The following STARD13 variants were observed in gnomAD, a reference collection of about 807,000 sequenced individuals.
The protein encoded by STARD13 is stAR-related lipid transfer protein 13.
Under a neutral mutation model 106.4 loss-of-function variants are expected in STARD13, and 62 were observed. The observed-to-expected ratio is 0.58, with a 90% confidence interval of 0.48 to 0.72. The LOEUF is 0.72. Ranked by LOEUF, STARD13 falls within the 30% of genes least tolerant of loss-of-function variation. STARD13 has a pLI of 0.00. For missense variants in STARD13, 1,387 were observed against 1,424.0 expected (o/e 0.97, Z 0.42); for synonymous variants, 565 against 553.0 (o/e 1.02, Z -0.31).
the STARD13 span, among the ~76,000 whole-genome samples, chr13:33,508,511 T>C: frequency 6.6e-6 from 1 of 152,178 alleles, no homozygotes; most frequent in African/African-American, 2.4e-5. Context: ...AGAAATTCCT[T>C]CTATTTAAAC....
At chr13:33,490,627 G>T in the STARD13 span, among the ~76,000 whole-genome samples, 4 of 151,250 alleles carry the variant, frequency 2.6e-5, no homozygotes, top group African/African-American at 9.7e-5. Flanking sequence ...CCCAGCCCCC[G>T]CCCTTCCAGC....
chr13:33,482,613 G>A, the STARD13 span, among the ~76,000 whole-genome samples: 2 of 152,064 alleles, frequency 1.3e-5, no homozygotes, highest in African/African-American at 4.8e-5. Flanking sequence ...ATACATAATT[G>A]ATTAGAATTT....
intron 1 of STARD13, among the ~76,000 whole-genome samples, chr13:33,269,691 C>T (rs1245600026): frequency 6.6e-6 from 1 of 152,104 alleles, no homozygotes; most frequent in African/African-American, 2.4e-5. Context: ...GTTTTATTCT[C>T]CTCCTGCTGA....
intron 1 of STARD13, among the ~76,000 whole-genome samples, chr13:33,228,426 A>C (rs937221526): frequency 1.3e-5 from 2 of 151,750 alleles, no homozygotes; most frequent in African/African-American, 2.4e-5. Flanking sequence ...TTAAGAGTAC[A>C]GTTCATTTAC....
At chr13:33,358,382 T>A in the STARD13 span, among the ~76,000 whole-genome samples, 1 of 152,216 alleles carries the variant, frequency 6.6e-6, no homozygotes, top group Non-Finnish European at 1.5e-5. Context: ...GGCACAGGAC[T>A]GGCAGGCAGC....
chr13:33,141,685 C>T (rs1879850539), intron 4 of STARD13, among the ~76,000 whole-genome samples: 1 of 152,132 alleles, frequency 6.6e-6, no homozygotes, highest in Non-Finnish European at 1.5e-5. Flanking sequence ...GGCATCTTGA[C>T]ACATGCATGA....
At chr13:33,268,822 A>G (rs1279512221) in intron 1 of STARD13, among the ~76,000 whole-genome samples, 2 of 152,234 alleles carry the variant, frequency 1.3e-5, no homozygotes, top group African/African-American at 4.8e-5. Context: ...GATTATTAGC[A>G]TCAATCACAA....
chr13:33,162,236 AG>A (rs1485135954), intron 3 of STARD13, among the ~76,000 whole-genome samples: 1 of 152,222 alleles, frequency 6.6e-6, no homozygotes, highest in East Asian at 1.9e-4. Flanking sequence ...CCTACGACAC[AG>A]GGCACCAAGT....
At chr13:33,568,423 T>G in the STARD13 span, among the ~76,000 whole-genome samples, 1 of 148,198 alleles carries the variant, frequency 6.7e-6, no homozygotes, top group Admixed American at 6.9e-5. Context: ...GGCAATTATT[T>G]GTTAACAAAA....
At chr13:33,302,969 T>C (rs1468877626) in intron 1 of STARD13, among the ~76,000 whole-genome samples, 2 of 152,192 alleles carry the variant, frequency 1.3e-5, no homozygotes, top group Non-Finnish European at 2.9e-5. Context: ...CCCATCATGG[T>C]AGCCTTTCTT....
chr13:33,386,561 TG>T, the STARD13 span, among the ~76,000 whole-genome samples: 68 of 152,160 alleles, frequency 4.5e-4, no homozygotes, highest in African/African-American at 1.4e-3. Flanking sequence ...TGACCTCCTC[TG>T]GGGGGGTCGA....
chr13:33,243,356 G>C (rs980179530), intron 1 of STARD13, among the ~76,000 whole-genome samples: 3 of 152,132 alleles, frequency 2.0e-5, no homozygotes, highest in African/African-American at 7.2e-5. Context: ...TTTCCTATAG[G>C]GAAGGCACAG....
At chr13:33,427,036 A>G in the STARD13 span, among the ~76,000 whole-genome samples, 139 of 152,242 alleles carry the variant, frequency 9.1e-4, no homozygotes, top group Non-Finnish European at 1.7e-3. Flanking sequence ...GTATAGAACT[A>G]ATTATTATCA....
At chr13:33,180,844 G>T (rs554284106) in intron 1 of STARD13, among the ~76,000 whole-genome samples, 1 of 152,274 alleles carries the variant, frequency 6.6e-6, no homozygotes, top group South Asian at 2.1e-4. Flanking sequence ...TATACCTAGT[G>T]CCAAATGGAA....
intron 1 of STARD13, among the ~76,000 whole-genome samples, chr13:33,220,058 A>C (rs1888270537): frequency 6.6e-6 from 1 of 152,102 alleles, no homozygotes; most frequent in African/African-American, 2.4e-5. Context: ...CTTTTCCTGG[A>C]TTAAAAACTT....
At chr13:33,566,349 G>T in the STARD13 span, among the ~76,000 whole-genome samples, 27 of 147,952 alleles carry the variant, frequency 1.8e-4, 5 homozygotes, top group East Asian at 4.9e-3. Context: ...TACTATCTGC[G>T]GTTTCAGGCA....
the STARD13 span, among the ~76,000 whole-genome samples, chr13:33,542,605 G>C: frequency 1.3e-5 from 2 of 152,132 alleles, no homozygotes; most frequent in Admixed American, 6.5e-5. Context: ...CAGCAACCAG[G>C]GCCCGCTGGC....
At chr13:33,479,113 T>C in the STARD13 span, among the ~76,000 whole-genome samples, 2 of 152,138 alleles carry the variant, frequency 1.3e-5, no homozygotes, top group South Asian at 2.1e-4. Context: ...ACAATGCAAA[T>C]GGCATTTAAA....
At chr13:33,493,447 C>T in the STARD13 span, among the ~76,000 whole-genome samples, 1 of 152,096 alleles carries the variant, frequency 6.6e-6, no homozygotes, top group African/African-American at 2.4e-5. Flanking sequence ...GGCTTTACTT[C>T]ATAATAATGT....
Sources: allele counts gnomAD v4.1 joint callset (sites outside exome capture counted in the v4.1 genomes callset), GRCh38; gene constraint gnomAD v4.1.1; transcripts MANE v1.5; gene names NCBI Gene and HGNC (gene_info 2026-07-23, HGNC 2026-07-21).